Variants in NGEF observed in about 807,000 individuals in gnomAD.
The protein encoded by NGEF is neuronal guanine nucleotide exchange factor.
Under a neutral mutation model 80.9 loss-of-function variants are expected in NGEF, and 31 were observed. That is an observed-to-expected ratio of 0.38 (90% CI 0.29 to 0.52). The LOEUF (loss-of-function observed/expected upper bound fraction) is 0.52, where lower values mean the gene tolerates loss of function less well. NGEF is among the 20% of genes least tolerant of loss of function. The pLI is 0.84. For missense variants in NGEF, 709 were observed against 926.2 expected (o/e 0.77, Z 3.04); for synonymous variants, 371 against 370.2 (o/e 1.00, Z -0.03).
At chr2:232,952,052 A>C (rs996466267) in intron 3 of NGEF, among the ~76,000 whole-genome samples, 2 of 152,216 alleles carry the variant, frequency 1.3e-5, no homozygotes, top group Admixed American at 6.5e-5. Flanking sequence ...GCAGATCATC[A>C]AAAGGATAAA....
intron 2 of NGEF, 38 bp from the exon 3 acceptor site, chr2:232,970,366 A>C: frequency 7.4e-7 from 1 of 1,352,750 alleles, no homozygotes. Context: ...TAGAAGATAC[A>C]GATCAACCCT....
rs141562852 is a variant in NGEF at position 232,952,110 on chromosome 2, G to A, written c.383+18104C>T. Among the ~76,000 whole-genome samples the A allele has an allele frequency of 3.5e-3, 531 of 152,340 alleles. 3 individuals are homozygous for A. The highest frequency in any genetic ancestry group is 0.012 in the African/African-American group (498 of 41,578). ...GTCTTAGCAGGGCTCTGTTGGAGAC[G>A]GGGTGAGGGTCATGCCTCAGGCAGA... On this transcript the variant is annotated intron_variant, in intron 3 of 14. Coordinates refer to ENST00000264051, the MANE Select transcript of NGEF (RefSeq NM_019850.3).
At chr2:233,007,584 T>C (rs1306166625) in intron 1 of NGEF, among the ~76,000 whole-genome samples, 3 of 152,210 alleles carry the variant, frequency 2.0e-5, no homozygotes, top group Admixed American at 6.5e-5. Flanking sequence ...ATGCTGGCTG[T>C]CTATGCATGC....
chr2:232,933,890 T>C (rs1229747000), intron 3 of NGEF, among the ~76,000 whole-genome samples: 2 of 152,208 alleles, frequency 1.3e-5, no homozygotes, highest in Admixed American at 6.5e-5. Context: ...CAGGAAGCCA[T>C]GGGCTCCTTA....
intron 1 of NGEF, among the ~76,000 whole-genome samples, chr2:232,985,559 T>C (rs993011990): frequency 6.6e-6 from 1 of 151,138 alleles, no homozygotes; most frequent in Non-Finnish European, 1.5e-5. Flanking sequence ...GAGACCATCC[T>C]GGCTAACATG....
intron 9 of NGEF, among the ~76,000 whole-genome samples, chr2:232,886,634 C>T (rs1453793667): frequency 6.6e-6 from 1 of 151,836 alleles, no homozygotes; most frequent in Non-Finnish European, 1.5e-5. Flanking sequence ...AAAAAAAAAG[C>T]TATTAGAAAC....
At chr2:232,961,788 C>T (rs1417530902) in intron 3 of NGEF, among the ~76,000 whole-genome samples, 2 of 152,284 alleles carry the variant, frequency 1.3e-5, no homozygotes, top group South Asian at 2.1e-4. Flanking sequence ...TTCCTTTTCT[C>T]TAAGAGACAC....
At chr2:232,904,539 CT>C (rs1486084813) in intron 5 of NGEF, among the ~76,000 whole-genome samples, 2 of 152,192 alleles carry the variant, frequency 1.3e-5, no homozygotes, top group African/African-American at 4.8e-5. Context: ...CCTTCCCAAC[CT>C]TTTAATTTGA....
chr2:233,010,488 G>A (rs1376769544), intron 1 of NGEF, among the ~76,000 whole-genome samples: 1 of 152,122 alleles, frequency 6.6e-6, no homozygotes, highest in African/African-American at 2.4e-5. Context: ...GTTGAATGAT[G>A]GCCAGCTCAG....
intron 5 of NGEF, among the ~76,000 whole-genome samples, chr2:232,920,033 A>G (rs536830963): frequency 6.6e-5 from 10 of 152,342 alleles, no homozygotes; most frequent in Admixed American, 5.2e-4. Flanking sequence ...CTGCGATCCT[A>G]CTATCTCATC....
At chr2:232,929,035 GGCCCCTGGC>G in intron 3 of NGEF, among the ~76,000 whole-genome samples, 1 of 152,190 alleles carries the variant, frequency 6.6e-6, no homozygotes, top group East Asian at 1.9e-4. Flanking sequence ...CCCTCGCGAA[GGCCCCTGGC>G]GCGCTGCCCG....
chr2:232,899,892 T>TCACTCA (rs1692239069), intron 5 of NGEF, among the ~76,000 whole-genome samples: 8 of 120,556 alleles, frequency 6.6e-5, no homozygotes, highest in Admixed American at 2.5e-4. Context: ...TCACTCACAT[T>TCACTCA]CACACACATG....
chr2:232,973,261 T>C (rs1694230761), intron 2 of NGEF, among the ~76,000 whole-genome samples: 1 of 152,258 alleles, frequency 6.6e-6, no homozygotes, highest in Non-Finnish European at 1.5e-5. Flanking sequence ...AATGTGCTTT[T>C]AACTTTTAGT....
chr2:232,894,110 G>A (rs1415883401), intron 6 of NGEF, among the ~76,000 whole-genome samples: 4 of 152,230 alleles, frequency 2.6e-5, no homozygotes, highest in Non-Finnish European at 5.9e-5. Context: ...TCCATGGCCT[G>A]CCCTGGGGAT....
intron 1 of NGEF, among the ~76,000 whole-genome samples, chr2:232,982,479 C>T (rs528945572): frequency 2.0e-5 from 3 of 152,168 alleles, no homozygotes; most frequent in African/African-American, 2.4e-5. Context: ...TGAATTGGTA[C>T]GTTAGCCTCT....
chr2:232,937,611 G>A (rs1383614862), intron 3 of NGEF, among the ~76,000 whole-genome samples: 1 of 152,200 alleles, frequency 6.6e-6, no homozygotes, highest in Non-Finnish European at 1.5e-5. Context: ...AGAGGCCATT[G>A]ATCTCTGCAT....
chr2:232,968,889 C>T (rs1451462456), intron 3 of NGEF, among the ~76,000 whole-genome samples: 1 of 152,242 alleles, frequency 6.6e-6, no homozygotes, highest in Admixed American at 6.5e-5. Flanking sequence ...TTCTCTTTCC[C>T]TCCACCTGAA....
intron 5 of NGEF, among the ~76,000 whole-genome samples, chr2:232,918,849 G>A (rs577846208): frequency 2.6e-4 from 39 of 151,600 alleles, no homozygotes; most frequent in Middle Eastern, 3.4e-3. Flanking sequence ...GGCTGGTCTC[G>A]AACTCCTGAG....
Position 232,883,339 on chromosome 2 carries a change from C to T in NGEF, c.1729G>A (p.Ala577Thr), listed in dbSNP as rs747924073. The T allele has an allele frequency of 1.2e-6, 2 of 1,610,752 alleles. No homozygotes were observed. Among genetic ancestry groups the T allele is most frequent in the South Asian group, 1.1e-5 (1 of 90,658 alleles). ...RLLENADDRE[A>T]TYMLKASSQS... is the part of the protein sequence containing the mutation. ...GAGGACGCCTTTAGCATGTAGGTGG[C>T]CTCCCGGTCATCTGCGTTCTCCAGC... is the stretch of plus-strand genomic sequence containing the variant. The change falls in exon 12 of 15, where the codon GCC becomes ACC. Residue 577 changes from alanine to threonine, a missense_variant. Coordinates refer to ENST00000264051, the MANE Select transcript of NGEF (RefSeq NM_019850.3).
Sources: gnomAD v4.1 joint callset for allele counts (sites outside exome capture counted in the v4.1 genomes callset) on GRCh38, gnomAD v4.1.1 for gene constraint, MANE v1.5 for transcripts, NCBI Gene and HGNC (gene_info 2026-07-23, HGNC 2026-07-21) for gene names.